Variants in PTPRR observed in about 807,000 individuals in gnomAD.
PTPRR encodes protein tyrosine phosphatase receptor type R, also known as receptor-type tyrosine-protein phosphatase R.
In PTPRR, 38 loss-of-function variants were observed where a neutral mutation model predicts 77.2. The observed-to-expected ratio is 0.49, with a 90% CI of 0.38 to 0.65. The LOEUF is 0.65. Ranked by LOEUF, PTPRR falls within the 30% of genes least tolerant of loss-of-function variation. The pLI is 0.00. For synonymous variants in PTPRR, 299 were observed against 283.1 expected (o/e 1.06, Z -0.57); for missense variants, 744 against 799.2 (o/e 0.93, Z 0.83).
chr12:70,828,693 G>T (rs1208187722), intron 2 of PTPRR, among the ~76,000 whole-genome samples: 3 of 152,134 alleles, frequency 2.0e-5, no homozygotes, highest in African/African-American at 7.2e-5. Flanking sequence ...GAAGAATGTG[G>T]TTAGCTTTCT....
intron 13 of PTPRR, among the ~76,000 whole-genome samples, chr12:70,655,461 G>A (rs1040627401): frequency 2.6e-5 from 4 of 152,210 alleles, no homozygotes; most frequent in African/African-American, 9.6e-5. Context: ...CATAGCAGCA[G>A]TATTCACAAT....
At chr12:70,862,901 GT>G (rs1892778633) in intron 2 of PTPRR, among the ~76,000 whole-genome samples, 1 of 152,192 alleles carries the variant, frequency 6.6e-6, no homozygotes, top group East Asian at 1.9e-4. Context: ...ATCAACTTAT[GT>G]TTTATAATAG....
intron 2 of PTPRR, among the ~76,000 whole-genome samples, chr12:70,824,522 A>G (rs1892076383): frequency 6.6e-6 from 1 of 152,232 alleles, no homozygotes; most frequent in African/African-American, 2.4e-5. Context: ...GCATTAACAT[A>G]CATGTGAAAA....
chr12:70,735,533 T>C (rs1200189830), intron 6 of PTPRR, among the ~76,000 whole-genome samples: 1 of 152,084 alleles, frequency 6.6e-6, no homozygotes, highest in Non-Finnish European at 1.5e-5. Flanking sequence ...TCCCATGACA[T>C]GTGGGGATTA....
chr12:70,713,030 T>C (rs12812613), intron 6 of PTPRR, among the ~76,000 whole-genome samples: 12,340 of 152,202 alleles, frequency 0.081, 640 homozygotes, highest in South Asian at 0.12. Context: ...CCCTGCTCAC[T>C]GGCAGTTACT....
chr12:70,692,633 A>G (rs577130419), intron 8 of PTPRR, among the ~76,000 whole-genome samples: 16 of 152,078 alleles, frequency 1.1e-4, no homozygotes, highest in African/African-American at 2.7e-4. Context: ...CAATCTCCCA[A>G]ATGTTCTATG....
chr12:70,717,891 A>C (rs1889093312), intron 6 of PTPRR, among the ~76,000 whole-genome samples: 1 of 152,204 alleles, frequency 6.6e-6, no homozygotes, highest in Non-Finnish European at 1.5e-5. Context: ...CCAAAGGAAA[A>C]AAAATAGTAT....
At chr12:70,810,463 T>G (rs1592769851) in intron 2 of PTPRR, among the ~76,000 whole-genome samples, 2 of 152,288 alleles carry the variant, frequency 1.3e-5, no homozygotes, top group East Asian at 3.9e-4. Flanking sequence ...CAAAAATTAG[T>G]GGCAAAAGGT....
chr12:70,905,884 C>T (rs1253382869), intron 1 of PTPRR, among the ~76,000 whole-genome samples: 3 of 151,788 alleles, frequency 2.0e-5, no homozygotes, highest in Non-Finnish European at 2.9e-5. Context: ...TTTGAAAAGA[C>T]AATCATTGTT....
intron 2 of PTPRR, among the ~76,000 whole-genome samples, chr12:70,841,946 G>A (rs1028133267): frequency 3.9e-5 from 6 of 152,078 alleles, no homozygotes; most frequent in African/African-American, 1.4e-4. Flanking sequence ...TATTAGCATT[G>A]TCAATTTCCT....
At chr12:70,912,763 C>A (rs77953837) in intron 1 of PTPRR, among the ~76,000 whole-genome samples, 2,482 of 152,172 alleles carry the variant, frequency 0.016, 78 homozygotes, top group African/African-American at 0.057. Flanking sequence ...TGGCAAATAT[C>A]ATTACTATAG....
At chr12:70,872,951 C>T (rs1260005536) in intron 2 of PTPRR, among the ~76,000 whole-genome samples, 1 of 152,040 alleles carries the variant, frequency 6.6e-6, no homozygotes, top group Non-Finnish European at 1.5e-5. Flanking sequence ...ATAAATATTT[C>T]AAAGTGTTTT....
intron 8 of PTPRR, among the ~76,000 whole-genome samples, chr12:70,690,872 C>T (rs1036069947): frequency 3.3e-5 from 5 of 152,070 alleles, no homozygotes; most frequent in African/African-American, 1.2e-4. Flanking sequence ...ATTACTAATT[C>T]GTCTCTTTAT....
intron 2 of PTPRR, among the ~76,000 whole-genome samples, chr12:70,857,704 TATGAATGCG>T (rs1330840177): frequency 6.6e-6 from 1 of 152,126 alleles, no homozygotes; most frequent in Non-Finnish European, 1.5e-5. Context: ...TAAGATTGTC[TATGAATGCG>T]ATGGGGAATT....
intron 1 of PTPRR, among the ~76,000 whole-genome samples, chr12:70,896,321 G>A (rs1893427621): frequency 6.6e-6 from 1 of 151,610 alleles, no homozygotes; most frequent in African/African-American, 2.4e-5. Context: ...TAAGTAGATT[G>A]AGGAGAAAGA....
intron 10 of PTPRR, among the ~76,000 whole-genome samples, chr12:70,669,441 T>C (rs1432070027): frequency 6.8e-6 from 1 of 147,618 alleles, no homozygotes; most frequent in Non-Finnish European, 1.5e-5. Flanking sequence ...ATTTTATATA[T>C]ATATGCTATT....
At chr12:70,905,544 G>A (rs1893608564) in intron 1 of PTPRR, among the ~76,000 whole-genome samples, 1 of 151,852 alleles carries the variant, frequency 6.6e-6, no homozygotes, top group African/African-American at 2.4e-5. Flanking sequence ...GAGATTTGAT[G>A]GTCATAAAAT....
intron 10 of PTPRR, chr12:70,672,935 A>G: frequency 1.4e-6 from 2 of 1,445,798 alleles, no homozygotes; most frequent in Non-Finnish European, 1.9e-6. Context: ...GAAATGTCGA[A>G]TGCCAGGTGT....
chr12:70,920,577 G>C lies in PTPRR; in HGVS notation c.-187C>G. On this transcript the variant is annotated 5_prime_UTR_variant, in exon 1 of 14. Coordinates refer to ENST00000283228, the MANE Select transcript of PTPRR (RefSeq NM_002849.4). Reference sequence around the variant, plus strand: ...ACCAGCTTCAACCTCCCTAAGAGAGGGAGAGAGGAAGAGCAGTAGGAGGTT... The same window carrying C: ...ACCAGCTTCAACCTCCCTAAGAGAGCGAGAGAGGAAGAGCAGTAGGAGGTT... 1 of 576,048 alleles carries C rather than the reference G, an allele frequency of 1.7e-6. No individual in the cohort carries two copies. Among genetic ancestry groups the C allele is most frequent in the South Asian group, 1.9e-5 (1 of 52,402 alleles). The allele number at this position is 576,048 out of a possible 1,614,324, so 35.7% of individuals were successfully genotyped here.
Sources: allele counts gnomAD v4.1 joint callset (sites outside exome capture counted in the v4.1 genomes callset), GRCh38; gene constraint gnomAD v4.1.1; transcripts MANE v1.5; gene names NCBI Gene and HGNC (gene_info 2026-07-23, HGNC 2026-07-21).